TRPM3: variants seen among roughly 807,000 people sequenced by gnomAD.
TRPM3 encodes transient receptor potential cation channel subfamily M member 3.
A neutral mutation model predicts 181.2 loss-of-function variants in TRPM3; 77 were observed. That is an observed-to-expected ratio of 0.42 (90% CI 0.35 to 0.51). The LOEUF is 0.51. Among genes scored for constraint, TRPM3 ranks in the 20% least tolerant of loss-of-function variants. TRPM3 has a pLI of 0.01. For synonymous variants in TRPM3, 745 were observed against 796.4 expected (o/e 0.94, Z 1.09); for missense variants, 1,759 against 2,196.7 (o/e 0.80, Z 3.98).
intron 1 of TRPM3, among the ~76,000 whole-genome samples, chr9:71,217,167 G>A (rs1588002377): frequency 6.6e-6 from 1 of 151,324 alleles, no homozygotes; most frequent in African/African-American, 2.4e-5. Flanking sequence ...AGCCAGGATG[G>A]TCTCGATCTC....
Position 71,419,245 on chromosome 9 carries a change from C to T in TRPM3, c.183+27408G>A, listed in dbSNP as rs546292396. 2.2e-3 allele frequency among the ~76,000 whole-genome samples: 340 copies of T among 151,748 alleles called. 3 individuals are homozygous for T. Among genetic ancestry groups the T allele is most frequent in the Middle Eastern group, 3.4e-3 (1 of 294 alleles). ...TGCAGTACAGTAATTATCATAGTAG[C>T]AATATGTAGAAAATATTTGTTTATT... On this transcript the variant is annotated intron_variant, in intron 1 of 24. Transcript: ENST00000357533.
intron 1 of TRPM3, among the ~76,000 whole-genome samples, chr9:70,865,711 T>A (rs2095635771): frequency 6.6e-6 from 1 of 152,064 alleles, no homozygotes; most frequent in East Asian, 1.9e-4. Context: ...TAGGCAAGCA[T>A]GTGGCACCGA....
intron 3 of TRPM3, among the ~76,000 whole-genome samples, chr9:70,848,085 TATAAG>T (rs2095055766): frequency 6.6e-6 from 1 of 152,162 alleles, no homozygotes; most frequent in Non-Finnish European, 1.5e-5. Context: ...AGATACAGGC[TATAAG>T]ATAACTGTTA....
chr9:70,920,796 C>T (rs1358958750), intron 1 of TRPM3, among the ~76,000 whole-genome samples: 1 of 152,234 alleles, frequency 6.6e-6, no homozygotes, highest in Non-Finnish European at 1.5e-5. Flanking sequence ...ATCCTTATTT[C>T]TTATTTTAAC....
At chr9:71,354,566 A>G (rs943253256) in intron 1 of TRPM3, among the ~76,000 whole-genome samples, 1 of 152,244 alleles carries the variant, frequency 6.6e-6, no homozygotes, top group African/African-American at 2.4e-5. Context: ...GTAATAATCA[A>G]ATACACAGCT....
chr9:70,956,296 C>CTTTTTTT (rs537484746), intron 1 of TRPM3, among the ~76,000 whole-genome samples: 16 of 97,128 alleles, frequency 1.6e-4, no homozygotes, highest in African/African-American at 4.0e-4. Context: ...AGAAATACAC[C>CTTTTTTT]TTTTTTTTTT....
chr9:70,699,377 G>A (rs182450496), intron 8 of TRPM3, among the ~76,000 whole-genome samples: 1 of 152,266 alleles, frequency 6.6e-6, no homozygotes, highest in East Asian at 1.9e-4. Flanking sequence ...GGTGCAGGAA[G>A]AAGAAAATGG....
chr9:71,192,064 C>T (rs916916497), intron 1 of TRPM3, among the ~76,000 whole-genome samples: 1 of 151,824 alleles, frequency 6.6e-6, no homozygotes, highest in African/African-American at 2.4e-5. Flanking sequence ...ACCTTTACGT[C>T]TGAGCTTAAA....
At chr9:71,259,521 A>C (rs537478867) in intron 1 of TRPM3, among the ~76,000 whole-genome samples, 31 of 152,308 alleles carry the variant, frequency 2.0e-4, no homozygotes, top group Middle Eastern at 3.4e-3. Flanking sequence ...GCCTAAAAGC[A>C]TTCCTGTTTC....
At chr9:70,537,637 G>A (rs549714816) in intron 25 of TRPM3, among the ~76,000 whole-genome samples, 3 of 152,174 alleles carry the variant, frequency 2.0e-5, no homozygotes. Flanking sequence ...CTAATCCAAT[G>A]ATTTTTTATT....
chr9:71,364,690 G>T (rs2092276329), intron 1 of TRPM3, among the ~76,000 whole-genome samples: 1 of 152,310 alleles, frequency 6.6e-6, no homozygotes, highest in East Asian at 1.9e-4. Flanking sequence ...GACAATAAAA[G>T]AGTATTTATA....
chr9:71,383,881 A>T (rs1303059163), intron 1 of TRPM3, among the ~76,000 whole-genome samples: 1 of 152,172 alleles, frequency 6.6e-6, no homozygotes, highest in Non-Finnish European at 1.5e-5. Context: ...TAGTATATCC[A>T]TCCTTAATTA....
intron 1 of TRPM3, among the ~76,000 whole-genome samples, chr9:70,882,968 T>C (rs1049988545): frequency 6.6e-6 from 1 of 152,188 alleles, no homozygotes; most frequent in Non-Finnish European, 1.5e-5. Flanking sequence ...ATTTAAACCA[T>C]GGAAACATTT....
intron 1 of TRPM3, among the ~76,000 whole-genome samples, chr9:71,291,758 T>C (rs2085833529): frequency 6.6e-6 from 1 of 152,062 alleles, no homozygotes; most frequent in South Asian, 2.1e-4. Context: ...ATAATTGATA[T>C]TATAAAGCAA....
intron 1 of TRPM3, among the ~76,000 whole-genome samples, chr9:70,992,408 C>T (rs1338903018): frequency 6.6e-6 from 1 of 152,192 alleles, no homozygotes; most frequent in Non-Finnish European, 1.5e-5. Flanking sequence ...TAGATTAATT[C>T]TGCCCCCAGC....
intron 8 of TRPM3, among the ~76,000 whole-genome samples, chr9:70,756,327 C>A (rs2077070237): frequency 6.6e-6 from 1 of 151,922 alleles, no homozygotes; most frequent in Non-Finnish European, 1.5e-5. Flanking sequence ...TACAGGAGCA[C>A]CCAGATTCAT....
intron 1 of TRPM3, among the ~76,000 whole-genome samples, chr9:71,410,696 C>T (rs1379975391): frequency 6.6e-6 from 1 of 152,160 alleles, no homozygotes; most frequent in African/African-American, 2.4e-5. Flanking sequence ...GGAGCTGCTA[C>T]CATTCCTTCT....
In TRPM3 at chr9:70,700,469, G is replaced by C. The variant is rs531571118; in HGVS notation, c.1273-18891C>G. Among the ~76,000 whole-genome samples, 4 of 152,334 alleles carry C rather than the reference G, an allele frequency of 2.6e-5. No individual in the cohort carries two copies. In the South Asian group the frequency reaches 8.3e-4, roughly 32 times the overall value. The stretch of plus-strand genomic sequence containing the variant: ...AAAGTTCTACTCTGCAGTGGAATCA[G>C]AATTAGAGTCTCTACTGCCCCCCTG... On this transcript the variant is annotated intron_variant, in intron 8 of 25. Coordinates refer to ENST00000677713, the MANE Select transcript of TRPM3 (RefSeq NM_001366145.2).
At chr9:71,171,046 C>G (rs2076827644) in intron 1 of TRPM3, among the ~76,000 whole-genome samples, 1 of 152,064 alleles carries the variant, frequency 6.6e-6, no homozygotes, top group Non-Finnish European at 1.5e-5. Context: ...CCCAGGTGCT[C>G]CTGTCTCTTA....
Sources: gnomAD v4.1 joint callset for allele counts (sites outside exome capture counted in the v4.1 genomes callset) on GRCh38, gnomAD v4.1.1 for gene constraint, MANE v1.5 for transcripts, NCBI Gene and HGNC (gene_info 2026-07-23, HGNC 2026-07-21) for gene names.